RBMS3: variants seen among roughly 807,000 people sequenced by gnomAD.
RBMS3 encodes the protein RNA-binding motif, single-stranded-interacting protein 3.
RBMS3 carries 27 observed loss-of-function variants against 66.8 expected under a neutral mutation model. The ratio of observed to expected loss-of-function variants is 0.40; its 90% CI spans 0.30 to 0.56. The LOEUF (loss-of-function observed/expected upper bound fraction) is 0.56, where lower values mean the gene tolerates loss of function less well. Ranked by LOEUF, RBMS3 falls within the 20% of genes least tolerant of loss-of-function variation. RBMS3 has a pLI of 0.40. For synonymous variants in RBMS3, 188 were observed against 183.0 expected (o/e 1.03, Z -0.22); for missense variants, 513 against 549.5 (o/e 0.93, Z 0.66).
intron 6 of RBMS3, among the ~76,000 whole-genome samples, chr3:29,849,745 A>G (rs1402633187): frequency 6.6e-6 from 1 of 152,204 alleles, no homozygotes; most frequent in Non-Finnish European, 1.5e-5. Context: ...TTTTAACAGC[A>G]AGAAGCATTC....
At chr3:29,721,310 G>A (rs1452506476) in intron 4 of RBMS3, among the ~76,000 whole-genome samples, 1 of 152,050 alleles carries the variant, frequency 6.6e-6, no homozygotes, top group Non-Finnish European at 1.5e-5. Context: ...GAAGCCTTAT[G>A]TATATTTATA....
At chr3:29,456,266 T>C (rs1340362858) in intron 2 of RBMS3, among the ~76,000 whole-genome samples, 1 of 152,188 alleles carries the variant, frequency 6.6e-6, no homozygotes, top group Non-Finnish European at 1.5e-5. Context: ...TTATCTTGAG[T>C]GTTTAATTCA....
At chr3:29,905,008 T>A (rs74891040) in intron 10 of RBMS3, among the ~76,000 whole-genome samples, 2,304 of 152,170 alleles carry the variant, frequency 0.015, 32 homozygotes, top group Non-Finnish European at 0.026. Flanking sequence ...TCATGCAGAT[T>A]TTTGGTATTT....
chr3:29,518,470 T>G (rs1362013302), intron 3 of RBMS3, among the ~76,000 whole-genome samples: 3 of 152,214 alleles, frequency 2.0e-5, no homozygotes, highest in Non-Finnish European at 4.4e-5. Context: ...ATTTTATTGT[T>G]AATAAATGTG....
chr3:29,650,520 T>C (rs1169373880), intron 4 of RBMS3, among the ~76,000 whole-genome samples: 1 of 152,140 alleles, frequency 6.6e-6, no homozygotes, highest in Non-Finnish European at 1.5e-5. Context: ...CTCACACTCC[T>C]GGGCTCAAAT....
At chr3:29,864,431 G>A (rs914276643) in intron 6 of RBMS3, among the ~76,000 whole-genome samples, 9 of 152,206 alleles carry the variant, frequency 5.9e-5, no homozygotes, top group African/African-American at 2.2e-4. Context: ...CCAATGACAA[G>A]CTATAGCAAA....
Position 29,793,634 on chromosome 3 carries a change from T to C in RBMS3, c.637+30645T>C, listed in dbSNP as rs552178245. Among the ~76,000 whole-genome samples, 9 of 152,352 alleles carry C rather than the reference T, an allele frequency of 5.9e-5. No individual in the cohort carries two copies. The East Asian group carries it at 1.2e-3, about 20-fold the overall frequency. On this transcript the variant is annotated intron_variant, in intron 6 of 14. Coordinates refer to ENST00000383767, the MANE Select transcript of RBMS3 (RefSeq NM_001003793.3). ...TTATAAACATGGCCAACTCCAACTC[T>C]CTTTTAGCCAGTTGTATCTTTAACT...
chr3:29,992,225 T>TAAAACATTAAGAAATAATTTATTTATTAG, intron 14 of RBMS3, among the ~76,000 whole-genome samples: 1 of 152,226 alleles, frequency 6.6e-6, no homozygotes, highest in South Asian at 2.1e-4. Flanking sequence ...TGATATTTGT[T>TAAAACATTAAGAAATAATTTATTTATTAG]AAAACATTAA....
At chr3:29,284,835 T>C (rs2032142823) in intron 1 of RBMS3, among the ~76,000 whole-genome samples, 1 of 150,928 alleles carries the variant, frequency 6.6e-6, no homozygotes, top group Non-Finnish European at 1.5e-5. Flanking sequence ...AGTTGTCATT[T>C]GTCAATTTTC....
At chr3:29,733,259 C>G (rs2054211806) in intron 4 of RBMS3, among the ~76,000 whole-genome samples, 1 of 151,972 alleles carries the variant, frequency 6.6e-6, no homozygotes, top group Non-Finnish European at 1.5e-5. Context: ...AGCATTTTTT[C>G]ACCCAGTAGT....
chr3:29,284,641 A>G (rs1039382216), intron 1 of RBMS3, among the ~76,000 whole-genome samples: 1 of 152,010 alleles, frequency 6.6e-6, no homozygotes, highest in African/African-American at 2.4e-5. Context: ...TGAATCTCTC[A>G]ACTTTGTTTC....
chr3:29,921,528 TAGTC>T (rs1250098590), intron 10 of RBMS3, among the ~76,000 whole-genome samples: 2 of 151,492 alleles, frequency 1.3e-5, no homozygotes, highest in Admixed American at 6.6e-5. Flanking sequence ...GCAGCAAAAA[TAGTC>T]AGGAGGAATG....
In RBMS3 at chr3:29,478,104, G is replaced by A. The variant is rs150915738; in HGVS notation, c.249-10337G>A. Among the ~76,000 whole-genome samples the A allele has an allele frequency of 6.0e-3, 908 of 152,226 alleles. 2 individuals are homozygous for A. Among genetic ancestry groups the A allele is most frequent in the Non-Finnish European group, 7.3e-3 (494 of 68,012 alleles). On this transcript the variant is annotated intron_variant, in intron 2 of 14. Transcript: ENST00000383767. ...TTGGAGGAGGTTAGAATGAAACTAA[G>A]TGACCCATGCCAGGCTTGGGAGCTA...
chr3:29,948,095 A>G (rs569638188), intron 12 of RBMS3, among the ~76,000 whole-genome samples: 2 of 151,808 alleles, frequency 1.3e-5, no homozygotes, highest in African/African-American at 4.8e-5. Flanking sequence ...ACAGGCTGAA[A>G]TAATAAGTGT....
intron 4 of RBMS3, among the ~76,000 whole-genome samples, chr3:29,721,601 C>A (rs981514684): frequency 1.3e-5 from 2 of 152,132 alleles, no homozygotes; most frequent in African/African-American, 4.8e-5. Context: ...GGTCACGGGT[C>A]TATCCATTTC....
rs959466741 is a variant in RBMS3, at chr3:29,762,896, C to T, written c.558-14C>T. ...ACAACCATATATGACCTCTGGTTTA[C>T]CTTTTTTTCCCAGAATGGAGTCTAC... On this transcript the variant is annotated splice_polypyrimidine_tract_variant and intron_variant, in intron 5 of 14. Coordinates refer to ENST00000383767, the MANE Select transcript of RBMS3 (RefSeq NM_001003793.3). 1.9e-6 allele frequency: 3 copies of T among 1,572,252 alleles called. No homozygotes were observed. The highest frequency in any genetic ancestry group is 1.4e-5 in the African/African-American group (1 of 73,494).
At chr3:29,701,952 T>A (rs904284094) in intron 4 of RBMS3, among the ~76,000 whole-genome samples, 6 of 152,152 alleles carry the variant, frequency 3.9e-5, no homozygotes, top group Admixed American at 3.9e-4. Flanking sequence ...GGTGGGCAGC[T>A]CTGCCCGCGG....
chr3:29,315,270 C>G (rs2034600753), intron 1 of RBMS3, among the ~76,000 whole-genome samples: 1 of 151,578 alleles, frequency 6.6e-6, no homozygotes, highest in African/African-American at 2.4e-5. Context: ...TTTCATTTAA[C>G]TACAGAATAA....
intron 4 of RBMS3, among the ~76,000 whole-genome samples, chr3:29,727,800 G>A (rs913309811): frequency 6.6e-6 from 1 of 152,146 alleles, no homozygotes; most frequent in African/African-American, 2.4e-5. Flanking sequence ...ACAGTGTGGC[G>A]ATTCCTCAAG....
Sources: allele counts gnomAD v4.1 joint callset (sites outside exome capture counted in the v4.1 genomes callset), GRCh38; gene constraint gnomAD v4.1.1; transcripts MANE v1.5; gene names NCBI Gene and HGNC (gene_info 2026-07-23, HGNC 2026-07-21).